The following MYT1L variants were observed in gnomAD, a reference collection of about 807,000 sequenced individuals.
MYT1L encodes myelin transcription factor 1 like, also known as myelin transcription factor 1-like protein.
A neutral mutation model predicts 126.7 loss-of-function variants in MYT1L; 12 were observed. The ratio of observed to expected loss-of-function variants is 0.09; its 90% CI spans 0.06 to 0.15. The LOEUF is 0.15. MYT1L is among the 10% of genes least tolerant of loss of function. MYT1L has a pLI of 1.00. For missense variants in MYT1L, 979 were observed against 1,585.2 expected (o/e 0.62, Z 6.49); for synonymous variants, 541 against 604.2 (o/e 0.90, Z 1.53).
chr2:2,202,308 C>T (rs970347942), intron 2 of MYT1L, among the ~76,000 whole-genome samples: 1 of 151,990 alleles, frequency 6.6e-6, no homozygotes, highest in Non-Finnish European at 1.5e-5. Flanking sequence ...ACAAAAAAAC[C>T]TTCAAAAAAT....
At position 1,811,978 on chromosome 2, in the gene MYT1L, A is replaced by G. The variant is rs1356762461; in HGVS notation, c.3081-2811T>C. Among the ~76,000 whole-genome samples, 4 of 152,232 alleles carry G rather than the reference A, an allele frequency of 2.6e-5. No individual in the cohort carries two copies. Among genetic ancestry groups the G allele is most frequent in the Non-Finnish European group, 4.4e-5 (3 of 68,054 alleles). ...CGAGCTGGATATTTTCATTTGTAAAATAAGAAGTTCTCAAAAGATCTGTTA... is the reference window on the plus strand; with the variant it reads ...CGAGCTGGATATTTTCATTTGTAAAGTAAGAAGTTCTCAAAAGATCTGTTA... On this transcript the variant is annotated intron_variant, in intron 21 of 24. Transcript: ENST00000647738. This position sits in a 1 kb window ranked among gnomAD's most constrained non-coding sequence, Gnocchi z 4.4.
intron 4 of MYT1L, among the ~76,000 whole-genome samples, chr2:2,028,828 C>A (rs1574644989): frequency 6.6e-6 from 1 of 151,676 alleles, no homozygotes; most frequent in Admixed American, 6.6e-5. Context: ...CAATGGGAGA[C>A]GCAAAGGAAA....
At position 1,929,034 on chromosome 2, in the gene MYT1L, G is replaced by A. The variant is rs893325776; in HGVS notation, c.506-5771C>T. ...CCTGACTCTTATGCAGGCAGTGGTC[G>A]CATGTTTATGTGGAGCCCCTGGCTA... On this transcript the variant is annotated intron_variant, in intron 9 of 24. Transcript: ENST00000647738. This position sits in a 1 kb window ranked among gnomAD's most constrained non-coding sequence, Gnocchi z 4.7. Among the ~76,000 whole-genome samples the A allele has an allele frequency of 2.0e-5, 3 of 152,076 alleles. No homozygotes were observed. Among genetic ancestry groups the A allele is most frequent in the African/African-American group, 7.2e-5 (3 of 41,394 alleles).
chr2:2,021,226 C>T (rs978975897), intron 4 of MYT1L, among the ~76,000 whole-genome samples: 3 of 152,122 alleles, frequency 2.0e-5, no homozygotes, highest in African/African-American at 7.2e-5. Context: ...TGCACAGGTA[C>T]AGGAGAAAGG....
chr2:2,186,347 G>A (rs934009184), intron 2 of MYT1L, among the ~76,000 whole-genome samples: 7 of 152,032 alleles, frequency 4.6e-5, no homozygotes, highest in Non-Finnish European at 7.4e-5. Flanking sequence ...GGACGCAGCC[G>A]GGCCTTCCCG....
At chr2:2,170,310 C>T (rs1156337377) in intron 3 of MYT1L, among the ~76,000 whole-genome samples, 1 of 152,230 alleles carries the variant, frequency 6.6e-6, no homozygotes, top group Non-Finnish European at 1.5e-5. Flanking sequence ...CTGTTCTCTA[C>T]CGACGCTGTA....
intron 2 of MYT1L, among the ~76,000 whole-genome samples, chr2:2,216,971 C>T (rs533893889): frequency 6.6e-6 from 1 of 152,136 alleles, no homozygotes; most frequent in South Asian, 2.1e-4. Context: ...ACCAAGCTCA[C>T]TCAATAAGAA....
At chr2:2,307,006 C>T (rs971290171) in intron 1 of MYT1L, among the ~76,000 whole-genome samples, 8 of 152,098 alleles carry the variant, frequency 5.3e-5, no homozygotes, top group Non-Finnish European at 7.4e-5. Flanking sequence ...GCATTTTAAC[C>T]AGACTTTGAA....
intron 18 of MYT1L, among the ~76,000 whole-genome samples, chr2:1,876,562 A>G (rs1314498157): frequency 6.6e-6 from 1 of 152,094 alleles, no homozygotes; most frequent in Non-Finnish European, 1.5e-5. Context: ...CCGTGGCCAG[A>G]GTGGACCTCT....
At chr2:2,216,043 GTCTCTC>G (rs146632684) in intron 2 of MYT1L, among the ~76,000 whole-genome samples, 3 of 123,390 alleles carry the variant, frequency 2.4e-5, no homozygotes, top group Non-Finnish European at 5.3e-5. Context: ...CTGTCTGTCT[GTCTCTC>G]TCTCTCTCTC....
chr2:1,834,538 A>G (rs1473373082), intron 21 of MYT1L, among the ~76,000 whole-genome samples: 1 of 152,220 alleles, frequency 6.6e-6, no homozygotes, highest in Non-Finnish European at 1.5e-5. Flanking sequence ...ACGTGCTACA[A>G]CCTTGAGGAC....
At chr2:2,304,280 C>A (rs2095828808) in intron 1 of MYT1L, among the ~76,000 whole-genome samples, 1 of 152,152 alleles carries the variant, frequency 6.6e-6, no homozygotes, top group Admixed American at 6.5e-5. Flanking sequence ...GTAATAAATT[C>A]ATTAGCGAGT....
chr2:2,041,502 G>T (rs991189082), intron 4 of MYT1L, among the ~76,000 whole-genome samples: 2 of 152,104 alleles, frequency 1.3e-5, no homozygotes, highest in African/African-American at 2.4e-5. Flanking sequence ...TTTACTTTTC[G>T]TTTTACAAAG....
intron 9 of MYT1L, among the ~76,000 whole-genome samples, chr2:1,932,394 C>T (rs975396372): frequency 6.6e-6 from 1 of 152,146 alleles, no homozygotes; most frequent in African/African-American, 2.4e-5. Flanking sequence ...CACAATTTTG[C>T]ACAACCAAGC....
chr2:2,320,816 C>T (rs1037096569), intron 1 of MYT1L, among the ~76,000 whole-genome samples: 2 of 152,174 alleles, frequency 1.3e-5, no homozygotes, highest in African/African-American at 4.8e-5. Context: ...TCACAGGAAG[C>T]CACAATCAGC....
intron 5 of MYT1L, among the ~76,000 whole-genome samples, chr2:1,983,711 C>T (rs554962849): frequency 3.3e-5 from 5 of 152,306 alleles, no homozygotes; most frequent in African/African-American, 4.8e-5. Flanking sequence ...GCGTTTAAAC[C>T]GTTCATTTGA....
intron 19 of MYT1L, chr2:1,841,116 A>G (rs1285094071): frequency 3.5e-5 from 10 of 286,460 alleles, no homozygotes; most frequent in Non-Finnish European, 5.2e-5. Context: ...CGTGTTAGCC[A>G]GGATGGTCTC....
intron 3 of MYT1L, among the ~76,000 whole-genome samples, chr2:2,104,766 A>C (rs2078539337): frequency 6.6e-6 from 1 of 152,192 alleles, no homozygotes. Flanking sequence ...TCTCTCAGGC[A>C]CTGGGGGACT....
chr2:1,988,201 G>A (rs1303861283), intron 5 of MYT1L, among the ~76,000 whole-genome samples: 2 of 151,872 alleles, frequency 1.3e-5, no homozygotes, highest in Admixed American at 1.3e-4. Flanking sequence ...GGTGGAAACG[G>A]TGCCACATTC....
Sources: allele counts gnomAD v4.1 joint callset (sites outside exome capture counted in the v4.1 genomes callset), GRCh38; gene constraint gnomAD v4.1.1; non-coding constraint Gnocchi (gnomAD v3.1); transcripts MANE v1.5; gene names NCBI Gene and HGNC (gene_info 2026-07-23, HGNC 2026-07-21).